PM20D2: variants seen among roughly 807,000 people sequenced by gnomAD.
PM20D2 encodes the protein xaa-Arg dipeptidase.
In PM20D2, 33 loss-of-function variants were observed where a neutral mutation model predicts 42.9. That is an observed-to-expected ratio of 0.77 (90% CI 0.58 to 1.03). PM20D2 has a LOEUF of 1.03. PM20D2 is among the 50% of genes least tolerant of loss of function. PM20D2 has a pLI of 0.00. For missense variants in PM20D2, 548 were observed against 557.0 expected (o/e 0.98, Z 0.16); for synonymous variants, 250 against 228.2 (o/e 1.10, Z -0.86).
rs1354847010 is a variant in PM20D2, at chr6:89,149,304, G to A, written c.505G>A (p.Gly169Ser). The A allele has an allele frequency of 6.2e-7, 1 of 1,614,006 alleles. No homozygotes were observed. Among genetic ancestry groups the A allele is most frequent in the East Asian group, 2.2e-5 (1 of 44,864 alleles). ...AACCCCTGCAGAAGAAGATGGTGGT[G>A]GCAAAATTGATTTAATTGAAGCAGG... Reference protein sequence around the residue: ...LGTPAEEDGGGKIDLIEAGAF... With the variant: ...LGTPAEEDGGSKIDLIEAGAF... The change falls in exon 2 of 7, where the codon GGC becomes AGC. Residue 169 changes from glycine to serine, a missense_variant. Gly to Ser is a moderately conservative substitution (Grantham distance 56, BLOSUM62 0). Around this residue, in one of 3 missense-constraint regions of PM20D2, gnomAD observed 470 missense variants for 464.4 expected, o/e 1.01. Transcript: ENST00000275072.
At chr6:89,157,841 C>T (rs1771102645) in intron 4 of PM20D2, among the ~76,000 whole-genome samples, 2 of 131,520 alleles carry the variant, frequency 1.5e-5, no homozygotes, top group African/African-American at 6.4e-5. Flanking sequence ...CCCATCTCTA[C>T]TAAAATACAA....
rs1771275508 is a variant in PM20D2 at position 89,162,381 on chromosome 6, A to G, written c.*118A>G. 1 of 1,063,276 alleles carries G rather than the reference A, an allele frequency of 9.4e-7. No homozygotes were observed. The highest frequency in any genetic ancestry group is 1.3e-6 in the Non-Finnish European group (1 of 755,468). The allele number at this position is 1,063,276 out of a possible 1,614,324, so 65.9% of individuals were successfully genotyped here. On this transcript the variant is annotated 3_prime_UTR_variant, in exon 7 of 7. Transcript: ENST00000275072. Reference sequence around the variant, plus strand: ...AGGAGTAAAATTCTTTTTACCTGATAAGTGAGGACAGGGTGTGGAGAAAAC... The same window carrying G: ...AGGAGTAAAATTCTTTTTACCTGATGAGTGAGGACAGGGTGTGGAGAAAAC...
At chr6:89,116,290 A>G in the PM20D2 span, among the ~76,000 whole-genome samples, 2 of 152,132 alleles carry the variant, frequency 1.3e-5, no homozygotes, top group Non-Finnish European at 2.9e-5. Flanking sequence ...TGCTTATTCC[A>G]TTTTCAAGTT....
chr6:89,120,997 A>G, the PM20D2 span, among the ~76,000 whole-genome samples: 4 of 152,052 alleles, frequency 2.6e-5, no homozygotes. Flanking sequence ...ATCTTTTAGT[A>G]TTGTCAGATT....
intron 5 of PM20D2, among the ~76,000 whole-genome samples, chr6:89,160,485 A>C (rs1771199985): frequency 6.6e-6 from 1 of 152,234 alleles, no homozygotes; most frequent in Non-Finnish European, 1.5e-5. Context: ...ATCACTGTGT[A>C]GTCTCACTTT....
chr6:89,115,502 G>A, the PM20D2 span, among the ~76,000 whole-genome samples: 5 of 151,326 alleles, frequency 3.3e-5, no homozygotes, highest in African/African-American at 1.2e-4. Flanking sequence ...GGTTGGTCTC[G>A]AACCCCTCAC....
chr6:89,143,120 T>C (rs1355172176), upstream of PM20D2, among the ~76,000 whole-genome samples: 1 of 151,908 alleles, frequency 6.6e-6, no homozygotes, highest in East Asian at 1.9e-4. Flanking sequence ...ATTTAGCTCA[T>C]GCTTTGCCAT....
the PM20D2 span, among the ~76,000 whole-genome samples, chr6:89,123,266 G>A: frequency 1.3e-5 from 2 of 152,112 alleles, no homozygotes; most frequent in African/African-American, 4.8e-5. Context: ...TAATTCTCAA[G>A]GACCTAGTCC....
At chr6:89,133,320 T>A in the PM20D2 span, among the ~76,000 whole-genome samples, 1 of 151,278 alleles carries the variant, frequency 6.6e-6, no homozygotes, top group East Asian at 1.9e-4. Context: ...TTTAGCTGTT[T>A]TATAAATATT....
chr6:89,115,488 G>A, the PM20D2 span, among the ~76,000 whole-genome samples: 2 of 151,570 alleles, frequency 1.3e-5, no homozygotes, highest in South Asian at 4.2e-4. Context: ...CACCAGGTAG[G>A]CCAGGTTGGT....
At position 89,146,289 on chromosome 6, in the gene PM20D2, C is replaced by T; in HGVS notation, c.145C>T (p.Pro49Ser). The change falls in exon 1 of 7, where the codon CCC becomes TCC. Residue 49 changes from proline to serine, a missense_variant. Physicochemically the swap from Pro to Ser is moderately conservative, Grantham distance 74. Around this residue, in one of 3 missense-constraint regions of PM20D2, gnomAD observed 470 missense variants for 464.4 expected, o/e 1.01. Transcript: ENST00000275072. The stretch of plus-strand genomic sequence containing the variant: ...CCTGAGCCGCGCGATCTGGAGCCAG[C>T]CCGAGCTGGCCTACGAGGAGCACCA... Reference protein sequence around the residue: ...GALSRAIWSQPELAYEEHHAH... With the variant: ...GALSRAIWSQSELAYEEHHAH... 6.3e-7 allele frequency: 1 copy of T among 1,581,126 alleles called. No individual in the cohort carries two copies. The highest frequency in any genetic ancestry group is 8.5e-7 in the Non-Finnish European group (1 of 1,171,938).
At chr6:89,114,068 TG>T in the PM20D2 span, among the ~76,000 whole-genome samples, 1 of 152,226 alleles carries the variant, frequency 6.6e-6, no homozygotes, top group Non-Finnish European at 1.5e-5. Context: ...ATCACTCACC[TG>T]CTATTCGATC....
chr6:89,135,148 A>G, the PM20D2 span, among the ~76,000 whole-genome samples: 1 of 151,254 alleles, frequency 6.6e-6, no homozygotes, highest in Non-Finnish European at 1.5e-5. Flanking sequence ...ATGGTCATTT[A>G]AAATCTTAAG....
upstream of PM20D2, among the ~76,000 whole-genome samples, chr6:89,141,214 AC>A: frequency 6.6e-6 from 1 of 151,954 alleles, no homozygotes; most frequent in Non-Finnish European, 1.5e-5. Context: ...TCAGCTGTTA[AC>A]CCGAGAAACT....
the PM20D2 span, among the ~76,000 whole-genome samples, chr6:89,110,727 G>C: frequency 6.6e-6 from 1 of 152,018 alleles, no homozygotes. Flanking sequence ...CACTAGCAAA[G>C]AAATTGGTAG....
At chr6:89,108,609 GCTT>G in the PM20D2 span, among the ~76,000 whole-genome samples, 6 of 152,152 alleles carry the variant, frequency 3.9e-5, no homozygotes. Flanking sequence ...TGACTAAGAA[GCTT>G]CTAGCTTGGA....
chr6:89,165,325 G>T lies in PM20D2; in HGVS notation c.*3062G>T, dbSNP rs1771383427. 1 of 151,836 alleles carries T rather than the reference G, an allele frequency of 6.6e-6. No individual in the cohort carries two copies. The highest frequency in any genetic ancestry group is 1.5e-5 in the Non-Finnish European group (1 of 67,972). The allele number at this position is 151,836 out of a possible 1,614,324, so 9.4% of individuals were successfully genotyped here. ...TTGTTATAAGATAAATGTTATCTTT[G>T]TACTAGATAGCAACCCTTTATAAGG... On this transcript the variant is annotated 3_prime_UTR_variant, in exon 7 of 7. Coordinates refer to ENST00000275072, the MANE Select transcript of PM20D2 (RefSeq NM_001010853.3).
At chr6:89,139,145 A>G in the PM20D2 span, among the ~76,000 whole-genome samples, 1 of 152,026 alleles carries the variant, frequency 6.6e-6, no homozygotes, top group African/African-American at 2.4e-5. Context: ...GCTGGAGTGC[A>G]GTGGCACAAT....
intron 5 of PM20D2, among the ~76,000 whole-genome samples, chr6:89,160,366 C>T (rs1000828735): frequency 6.6e-6 from 1 of 152,140 alleles, no homozygotes; most frequent in African/African-American, 2.4e-5. Context: ...GGAAACTGTT[C>T]TAAATATTAA....
Sources: allele counts gnomAD v4.1 joint callset (sites outside exome capture counted in the v4.1 genomes callset), GRCh38; gene constraint gnomAD v4.1.1; regional missense constraint gnomAD v4.1.1; transcripts MANE v1.5; gene names NCBI Gene and HGNC (gene_info 2026-07-23, HGNC 2026-07-21).